Variants in TGFBR2 observed in about 807,000 individuals in gnomAD.
TGFBR2 encodes the protein TGF-beta receptor type-2.
TGFBR2 carries 18 observed loss-of-function variants against 49.0 expected under a neutral mutation model. The observed-to-expected ratio is 0.37, with a 90% confidence interval of 0.25 to 0.54. The LOEUF is 0.54. Ranked by LOEUF, TGFBR2 falls within the 20% of genes least tolerant of loss-of-function variation. The pLI, the probability that TGFBR2 is intolerant of heterozygous loss-of-function variation, is 0.85. For missense variants in TGFBR2, 525 were observed against 722.6 expected, an observed-to-expected ratio of 0.73 and a Z score of 3.13; for synonymous variants, 282 against 275.9, an observed-to-expected ratio of 1.02 and a Z score of -0.22.
intron 1 of TGFBR2, among the ~76,000 whole-genome samples, chr3:30,624,619 GAA>G (rs372402705): frequency 7.1e-6 from 1 of 140,754 alleles, no homozygotes; most frequent in African/African-American, 2.6e-5. Context: ...CGTCTCAAAG[GAA>G]AAAAAAAAAA....
intron 2 of TGFBR2, among the ~76,000 whole-genome samples, chr3:30,649,522 GTAGT>G (rs1290685108): frequency 6.6e-6 from 1 of 152,206 alleles, no homozygotes; most frequent in East Asian, 1.9e-4. Context: ...TACTGTCAAA[GTAGT>G]TAGTTTATGA....
At chr3:30,674,010 C>T in intron 4 of TGFBR2, 95 bp from the exon 5 acceptor site, 2 of 1,475,562 alleles carry the variant, frequency 1.4e-6, no homozygotes, top group African/African-American at 1.4e-5. Context: ...TAAAAAAATC[C>T]TCTGCACGTG....
At chr3:30,681,505 C>T (rs1699539894) in intron 5 of TGFBR2, among the ~76,000 whole-genome samples, 1 of 152,090 alleles carries the variant, frequency 6.6e-6, no homozygotes, top group Non-Finnish European at 1.5e-5. Flanking sequence ...GACAGGCAAG[C>T]GTAGTTTTCT....
chr3:30,645,012 G>GTA, intron 2 of TGFBR2, 97 bp downstream of exon 2: 1 of 1,105,500 alleles, frequency 9.0e-7, no homozygotes, highest in African/African-American at 1.5e-5. Flanking sequence ...TCTCCTAAAT[G>GTA]TAAACACCTG....
chr3:30,667,352 AGG>A (rs1405699248), intron 3 of TGFBR2, among the ~76,000 whole-genome samples: 1 of 152,182 alleles, frequency 6.6e-6, no homozygotes, highest in Non-Finnish European at 1.5e-5. Flanking sequence ...TAGCAACCCA[AGG>A]GTTAATACTG....
intron 1 of TGFBR2, among the ~76,000 whole-genome samples, chr3:30,639,862 T>G (rs1243148925): frequency 6.6e-6 from 1 of 152,252 alleles, no homozygotes; most frequent in Non-Finnish European, 1.5e-5. Flanking sequence ...TGTTTATGGT[T>G]ATTGTTAAAC....
chr3:30,609,010 C>T (rs1248624408), intron 1 of TGFBR2, among the ~76,000 whole-genome samples: 3 of 152,170 alleles, frequency 2.0e-5, no homozygotes, highest in Non-Finnish European at 4.4e-5. Context: ...TTTGCAAATT[C>T]CAGACCCAAT....
chr3:30,691,139 G>C (rs1699702220), intron 6 of TGFBR2, among the ~76,000 whole-genome samples: 1 of 152,178 alleles, frequency 6.6e-6, no homozygotes, highest in South Asian at 2.1e-4. Context: ...AAGCCCAGCA[G>C]AGGATCATTG....
rs1699726076 is a variant in TGFBR2, at chr3:30,692,356, G to C, written c.*757G>C. On this transcript the variant is annotated 3_prime_UTR_variant, in exon 7 of 7. Coordinates refer to ENST00000295754, the MANE Select transcript of TGFBR2 (RefSeq NM_003242.6). ...AGTTTAGAAACTCTCCCTCAACCTA[G>C]TTTAGAAACTCTACCCCATCTTTAA... 4.3e-6 allele frequency: 1 copy of C among 230,416 alleles called. No individual in the cohort carries two copies. Among genetic ancestry groups the C allele is most frequent in the East Asian group, 6.1e-5 (1 of 16,340 alleles). 14.3% of individuals were successfully genotyped at this position (230,416 alleles called of 1,614,324 possible).
At chr3:30,646,495 A>G (rs1452409111) in intron 2 of TGFBR2, among the ~76,000 whole-genome samples, 1 of 152,214 alleles carries the variant, frequency 6.6e-6, no homozygotes, top group Non-Finnish European at 1.5e-5. Flanking sequence ...AAAGGCTCTC[A>G]GGTAGAAAAT....
intron 3 of TGFBR2, among the ~76,000 whole-genome samples, chr3:30,658,851 T>G (rs1031663553): frequency 6.6e-6 from 1 of 152,214 alleles, no homozygotes; most frequent in Non-Finnish European, 1.5e-5. Context: ...TGGTTCCCTC[T>G]GGACCCATTG....
At chr3:30,656,143 T>G (rs1016586817) in intron 3 of TGFBR2, among the ~76,000 whole-genome samples, 4 of 152,212 alleles carry the variant, frequency 2.6e-5, no homozygotes, top group Non-Finnish European at 5.9e-5. Flanking sequence ...ATAAATTTGG[T>G]CTAAAGCCTG....
At chr3:30,664,436 A>G (rs1699208467) in intron 3 of TGFBR2, among the ~76,000 whole-genome samples, 2 of 152,350 alleles carry the variant, frequency 1.3e-5, no homozygotes, top group Non-Finnish European at 1.5e-5. Flanking sequence ...CTTAGTTGCA[A>G]ATAAGGAGCC....
At chr3:30,678,668 T>C (rs1699484213) in intron 5 of TGFBR2, among the ~76,000 whole-genome samples, 1 of 151,846 alleles carries the variant, frequency 6.6e-6, no homozygotes, top group Non-Finnish European at 1.5e-5. Context: ...ATCTACCCAC[T>C]GAAGGAGAGT....
chr3:30,647,298 T>G (rs1475223157), intron 2 of TGFBR2, among the ~76,000 whole-genome samples: 1 of 152,234 alleles, frequency 6.6e-6, no homozygotes, highest in Non-Finnish European at 1.5e-5. Flanking sequence ...TTTCAGAGTT[T>G]CCAAGGCATT....
At position 30,691,770 on chromosome 3, in the gene TGFBR2, CAT is replaced by C; in HGVS notation, c.*173_*174del. ...AACAACAGCAGCAGGGAGTGGGTGA[CAT>C]AGAGCATTCTATGCCTTTGACATTG... is the stretch of plus-strand genomic sequence containing the variant. On this transcript the variant is annotated 3_prime_UTR_variant, in exon 7 of 7. Transcript: ENST00000295754. 5.8e-6 allele frequency: 4 copies of C among 692,994 alleles called. No individual in the cohort carries two copies. Among genetic ancestry groups the C allele is most frequent in the Non-Finnish European group, 2.6e-6 (1 of 391,636 alleles). 42.9% of individuals were successfully genotyped at this position (692,994 alleles called of 1,614,324 possible).
At chr3:30,679,571 T>C (rs1156301341) in intron 5 of TGFBR2, among the ~76,000 whole-genome samples, 1 of 152,194 alleles carries the variant, frequency 6.6e-6, no homozygotes, top group East Asian at 1.9e-4. Flanking sequence ...TGAAAGTACA[T>C]TTGGTCCAGA....
At position 30,672,577 on chromosome 3, in the gene TGFBR2, C is replaced by T; in HGVS notation, c.1254+140C>T. On this transcript the variant is annotated intron_variant, in intron 4 of 6. Transcript: ENST00000295754. The surrounding 1 kb of genome is among the most constrained non-coding windows in gnomAD (Gnocchi z 4.5). ...AGGGAATCTAGCCAAAGTATGGAGTCTGCCTTGAGCATACTCTGCTCTGTC... is the reference window on the plus strand; with the variant it reads ...AGGGAATCTAGCCAAAGTATGGAGTTTGCCTTGAGCATACTCTGCTCTGTC... The T allele has an allele frequency of 1.1e-6, 1 of 936,376 alleles. No individual in the cohort carries two copies. Among genetic ancestry groups the T allele is most frequent in the Non-Finnish European group, 1.7e-6 (1 of 584,340 alleles). 58.0% of individuals were successfully genotyped at this position (936,376 alleles called of 1,614,324 possible).
At chr3:30,645,228 C>T (rs979076168) in intron 2 of TGFBR2, among the ~76,000 whole-genome samples, 3 of 151,874 alleles carry the variant, frequency 2.0e-5, no homozygotes, top group Non-Finnish European at 2.9e-5. Context: ...AGGGATTTGC[C>T]GCTTAGTAGT....
Sources: allele counts gnomAD v4.1 joint callset (sites outside exome capture counted in the v4.1 genomes callset), GRCh38; gene constraint gnomAD v4.1.1; non-coding constraint Gnocchi (gnomAD v3.1); transcripts MANE v1.5; gene names NCBI Gene and HGNC (gene_info 2026-07-23, HGNC 2026-07-21).